CLIC5: variants seen among roughly 807,000 people sequenced by gnomAD.
CLIC5 encodes the protein CLIC family member 5.
CLIC5 carries 20 observed loss-of-function variants against 24.7 expected under a neutral mutation model. The observed-to-expected ratio is 0.81, with a 90% confidence interval of 0.57 to 1.18. The LOEUF (loss-of-function observed/expected upper bound fraction) is 1.18, where lower values mean the gene tolerates loss of function less well. Among genes scored for constraint, CLIC5 ranks in the 50% most tolerant of loss-of-function variants. CLIC5 has a pLI of 0.00. For missense variants in CLIC5, 341 were observed against 326.1 expected (o/e 1.05, Z -0.35); for synonymous variants, 159 against 135.6 (o/e 1.17, Z -1.20).
At chr6:45,987,757 C>A (rs1765793373) in intron 1 of CLIC5, among the ~76,000 whole-genome samples, 1 of 152,120 alleles carries the variant, frequency 6.6e-6, no homozygotes. Flanking sequence ...GAGAGAATAT[C>A]TCTCTTCCTC....
At chr6:46,015,879 G>A (rs1026111962), upstream of CLIC5, 13 of 1,054,772 alleles carry the variant, frequency 1.2e-5, no homozygotes, top group South Asian at 3.2e-4. Flanking sequence ...CGCCGCCAAC[G>A]CGCCCAAAAT....
intron 5 of CLIC5, chr6:45,912,618 C>T (rs1049645771): frequency 6.8e-7 from 1 of 1,470,796 alleles, no homozygotes; most frequent in African/African-American, 1.4e-5. Flanking sequence ...TGCCTCAGCT[C>T]ATGCTGCTAG....
the CLIC5 span, among the ~76,000 whole-genome samples, chr6:46,120,408 C>A: frequency 3.4e-3 from 512 of 152,300 alleles, 3 homozygotes; most frequent in African/African-American, 0.012. Context: ...ACAGAAAGGA[C>A]ATCCACACCA....
chr6:46,023,607 A>C (rs987676959), intron 1 of CLIC5, among the ~76,000 whole-genome samples: 2 of 152,194 alleles, frequency 1.3e-5, no homozygotes, highest in African/African-American at 4.8e-5. Flanking sequence ...GAAATGAAAA[A>C]GGAAACATAG....
At chr6:46,120,087 G>T in the CLIC5 span, among the ~76,000 whole-genome samples, 3 of 152,192 alleles carry the variant, frequency 2.0e-5, no homozygotes, top group Admixed American at 6.5e-5. Flanking sequence ...GAGAGTAGTG[G>T]TTCTCCCAGC....
chr6:45,931,181 A>G (rs1763722386), intron 4 of CLIC5, among the ~76,000 whole-genome samples: 1 of 152,228 alleles, frequency 6.6e-6, no homozygotes, highest in Non-Finnish European at 1.5e-5. Context: ...TGATTCCTGC[A>G]GCAGAATTGA....
At chr6:46,096,482 G>A in the CLIC5 span, among the ~76,000 whole-genome samples, 6 of 152,196 alleles carry the variant, frequency 3.9e-5, no homozygotes, top group East Asian at 3.8e-4. Context: ...TCAGTCATCC[G>A]AAGGTTTGAC....
intron 3 of CLIC5, among the ~76,000 whole-genome samples, chr6:45,942,584 T>C (rs1248279051): frequency 1.3e-5 from 2 of 152,262 alleles, no homozygotes; most frequent in Admixed American, 6.5e-5. Context: ...CTGTGATCTC[T>C]GGGTGAATCG....
chr6:46,094,771 G>C, the CLIC5 span, among the ~76,000 whole-genome samples: 4 of 152,196 alleles, frequency 2.6e-5, no homozygotes, highest in East Asian at 7.7e-4. Flanking sequence ...TACCATTCTG[G>C]GGTTTGGAGG....
chr6:45,923,597 T>C lies in CLIC5; in HGVS notation c.407-9188A>G, dbSNP rs147617067. ...ACAGGCATCTATTCGGTGCCCACTG[T>C]GGGCCAACTTTGTGCCCCTTTCCCC... On this transcript the variant is annotated intron_variant, in intron 4 of 5. Transcript: ENST00000339561. Among the ~76,000 whole-genome samples the C allele has an allele frequency of 3.3e-4, 50 of 152,360 alleles. 1 individual carries two copies. In the East Asian group the frequency reaches 9.1e-3, roughly 28 times the overall value.
At chr6:46,079,758 C>A in exon 1 of CLIC5, 7 of 1,551,908 alleles carry the variant, frequency 4.5e-6, no homozygotes, top group Non-Finnish European at 6.1e-6. Flanking sequence ...TTCTTCCAAA[C>A]CTTCAGCATC....
intron 4 of CLIC5, among the ~76,000 whole-genome samples, chr6:45,932,417 C>T (rs553468875): frequency 6.6e-6 from 1 of 152,326 alleles, no homozygotes; most frequent in East Asian, 1.9e-4. Context: ...TAATTGTAAA[C>T]TTTCTAATGT....
chr6:46,079,892 C>T, exon 1 of CLIC5: 1 of 1,552,060 alleles, frequency 6.4e-7, no homozygotes, highest in Non-Finnish European at 8.7e-7. Flanking sequence ...CGCAGAGTTG[C>T]TGGTCCTGGG....
chr6:46,075,159 A>C (rs191810614), intron 1 of CLIC5, among the ~76,000 whole-genome samples: 167 of 152,338 alleles, frequency 1.1e-3, no homozygotes, highest in Non-Finnish European at 2.0e-3. Context: ...CCTATGAGGA[A>C]GGTATCATAA....
intron 1 of CLIC5, among the ~76,000 whole-genome samples, chr6:46,040,772 A>T (rs971629641): frequency 2.6e-5 from 4 of 152,150 alleles, no homozygotes; most frequent in African/African-American, 9.7e-5. Flanking sequence ...AAAAAAAGCT[A>T]AAATTATAAA....
At chr6:46,019,692 CA>C (rs60367562), upstream of CLIC5, among the ~76,000 whole-genome samples, 4,313 of 62,874 alleles carry the variant, frequency 0.069, 18 homozygotes, top group South Asian at 0.098. Context: ...GACTCCGTCT[CA>C]AAAAAAAAAA....
chr6:45,952,070 G>A (rs764684573), intron 2 of CLIC5, among the ~76,000 whole-genome samples: 13 of 152,212 alleles, frequency 8.5e-5, no homozygotes, highest in Non-Finnish European at 1.6e-4. Context: ...AGGCAGCAAC[G>A]TGTGTGCTCT....
chr6:46,018,227 G>GT (rs1200977884), upstream of CLIC5, among the ~76,000 whole-genome samples: 1 of 152,098 alleles, frequency 6.6e-6, no homozygotes, highest in Non-Finnish European at 1.5e-5. Flanking sequence ...GAGGGTTTTG[G>GT]TTTTTTGTTT....
At chr6:45,898,390 A>C (rs1286761790), downstream of CLIC5, 1 of 152,428 alleles carries the variant, frequency 6.6e-6, no homozygotes, top group Admixed American at 6.5e-5. Flanking sequence ...AAGGTACTTC[A>C]TACTTGTCAT....
Sources: gnomAD v4.1 joint callset for allele counts (sites outside exome capture counted in the v4.1 genomes callset) on GRCh38, gnomAD v4.1.1 for gene constraint, MANE v1.5 for transcripts, NCBI Gene and HGNC (gene_info 2026-07-23, HGNC 2026-07-21) for gene names.